STXBP5L: variants seen among roughly 807,000 people sequenced by gnomAD.
STXBP5L encodes the protein syntaxin binding protein 5L, also known as syntaxin-binding protein 5-like.
STXBP5L carries 65 observed loss-of-function variants against 144.5 expected under a neutral mutation model. The observed-to-expected ratio is 0.45, with a 90% CI of 0.37 to 0.55. The LOEUF is 0.55. Among genes scored for constraint, STXBP5L ranks in the 20% least tolerant of loss-of-function variants. STXBP5L has a pLI of 0.00. For missense variants in STXBP5L, 1,298 were observed against 1,405.5 expected (o/e 0.92, Z 1.22); for synonymous variants, 505 against 469.6 (o/e 1.08, Z -0.97).
chr3:121,232,906 C>T (rs1242068035), intron 11 of STXBP5L, among the ~76,000 whole-genome samples: 1 of 152,084 alleles, frequency 6.6e-6, no homozygotes, highest in Non-Finnish European at 1.5e-5. Context: ...GATACCAGGG[C>T]TCTATCTGAT....
At chr3:120,962,745 G>A (rs1177451351) in intron 3 of STXBP5L, among the ~76,000 whole-genome samples, 6 of 152,172 alleles carry the variant, frequency 3.9e-5, no homozygotes, top group Admixed American at 1.3e-4. Context: ...GCTTAGAATT[G>A]TCTTGGCAAT....
At chr3:121,177,181 A>T (rs1328054845) in intron 9 of STXBP5L, among the ~76,000 whole-genome samples, 1 of 152,060 alleles carries the variant, frequency 6.6e-6, no homozygotes, top group African/African-American at 2.4e-5. Context: ...CAAAACAAAG[A>T]CACTGTAAAA....
intron 2 of STXBP5L, among the ~76,000 whole-genome samples, chr3:120,950,881 A>G (rs1711173718): frequency 6.6e-6 from 1 of 152,218 alleles, no homozygotes; most frequent in African/African-American, 2.4e-5. Flanking sequence ...AGCTGGAGGC[A>G]TCACGCTACC....
intron 10 of STXBP5L, among the ~76,000 whole-genome samples, chr3:121,220,055 T>G (rs1000979488): frequency 1.2e-4 from 18 of 152,108 alleles, no homozygotes; most frequent in African/African-American, 4.3e-4. Flanking sequence ...TTTCTAAAAC[T>G]ATCACCACAA....
chr3:121,115,278 T>G (rs761371991), intron 6 of STXBP5L, among the ~76,000 whole-genome samples: 1 of 152,164 alleles, frequency 6.6e-6, no homozygotes, highest in Non-Finnish European at 1.5e-5. Context: ...GCTTTATATC[T>G]AAAAATGTGA....
At chr3:120,974,071 T>C (rs981619395) in intron 3 of STXBP5L, among the ~76,000 whole-genome samples, 1 of 152,174 alleles carries the variant, frequency 6.6e-6, no homozygotes, top group Non-Finnish European at 1.5e-5. Flanking sequence ...ATGGGATGGC[T>C]GGGTCAAATG....
chr3:121,364,402 T>C (rs1576292155), intron 20 of STXBP5L, among the ~76,000 whole-genome samples: 2 of 152,182 alleles, frequency 1.3e-5, no homozygotes, highest in South Asian at 4.1e-4. Flanking sequence ...AACTTTATTC[T>C]TCTCTTTCAA....
At chr3:121,305,450 A>C (rs1025657907) in intron 19 of STXBP5L, among the ~76,000 whole-genome samples, 8 of 152,294 alleles carry the variant, frequency 5.3e-5, no homozygotes, top group South Asian at 2.1e-4. Context: ...ATATAAAAGA[A>C]AGATAAAGCA....
intron 10 of STXBP5L, among the ~76,000 whole-genome samples, chr3:121,211,797 G>T (rs1276822189): frequency 6.6e-6 from 1 of 151,796 alleles, no homozygotes; most frequent in Non-Finnish European, 1.5e-5. Context: ...GGCCAGGATG[G>T]TCTCCATCTC....
chr3:120,973,158 T>C (rs1203331477), intron 3 of STXBP5L, among the ~76,000 whole-genome samples: 1 of 152,160 alleles, frequency 6.6e-6, no homozygotes, highest in Non-Finnish European at 1.5e-5. Flanking sequence ...AAGTTCTTTT[T>C]TGTAAATGTG....
At chr3:121,342,425 C>A (rs2044748925) in intron 20 of STXBP5L, among the ~76,000 whole-genome samples, 1 of 151,740 alleles carries the variant, frequency 6.6e-6, no homozygotes, top group Admixed American at 6.6e-5. Context: ...TATACATGTG[C>A]CATGCTGGTG....
chr3:120,971,134 G>A (rs1056277219), intron 3 of STXBP5L, among the ~76,000 whole-genome samples: 2 of 152,080 alleles, frequency 1.3e-5, no homozygotes, highest in African/African-American at 2.4e-5. Context: ...GAGCATCTGG[G>A]CATTGGGAAA....
At chr3:120,960,713 G>A (rs1055676610) in intron 3 of STXBP5L, among the ~76,000 whole-genome samples, 9 of 150,464 alleles carry the variant, frequency 6.0e-5, no homozygotes, top group Admixed American at 2.0e-4. Flanking sequence ...TGAACAATGA[G>A]AACACTTGGA....
intron 5 of STXBP5L, among the ~76,000 whole-genome samples, chr3:121,060,553 G>T (rs761742465): frequency 6.6e-5 from 10 of 152,314 alleles, no homozygotes; most frequent in South Asian, 6.2e-4. Flanking sequence ...AATGATACCA[G>T]CTCCTCTTTG....
At chr3:120,959,480 C>A (rs536577080) in intron 3 of STXBP5L, among the ~76,000 whole-genome samples, 31 of 152,290 alleles carry the variant, frequency 2.0e-4, no homozygotes, top group African/African-American at 6.7e-4. Context: ...CTGGAGGCAT[C>A]ATGCTACCTG....
At chr3:121,036,548 T>G (rs2107529909) in intron 3 of STXBP5L, among the ~76,000 whole-genome samples, 1 of 152,292 alleles carries the variant, frequency 6.6e-6, no homozygotes, top group South Asian at 2.1e-4. Context: ...TAGATGATTC[T>G]TGCTTTATTC....
chr3:121,208,991 T>C (rs1200418370), intron 10 of STXBP5L, among the ~76,000 whole-genome samples: 12 of 152,124 alleles, frequency 7.9e-5, no homozygotes, highest in Admixed American at 7.9e-4. Context: ...ATTGTTCGAT[T>C]CCCAATTATG....
At chr3:121,333,858 G>A (rs2044411344) in intron 20 of STXBP5L, among the ~76,000 whole-genome samples, 1 of 152,076 alleles carries the variant, frequency 6.6e-6, no homozygotes, top group African/African-American at 2.4e-5. Context: ...CCAATAACAA[G>A]CTCCAAAATT....
intron 5 of STXBP5L, among the ~76,000 whole-genome samples, chr3:121,112,076 C>T (rs923164546): frequency 6.6e-6 from 1 of 152,108 alleles, no homozygotes; most frequent in African/African-American, 2.4e-5. Context: ...CAGTCTCCCT[C>T]GCACCAGCAG....
Sources: gnomAD v4.1 joint callset for allele counts (sites outside exome capture counted in the v4.1 genomes callset) on GRCh38, gnomAD v4.1.1 for gene constraint, MANE v1.5 for transcripts, NCBI Gene and HGNC (gene_info 2026-07-23, HGNC 2026-07-21) for gene names.